Variants in CDON observed in about 807,000 individuals in gnomAD.
CDON encodes the protein cell adhesion molecule-related/down-regulated by oncogenes.
In CDON, 73 loss-of-function variants were observed where a neutral mutation model predicts 120.9. The ratio of observed to expected loss-of-function variants is 0.60; its 90% CI spans 0.50 to 0.73. CDON has a LOEUF of 0.73. CDON is among the 30% of genes least tolerant of loss of function. CDON has a pLI of 0.00. For synonymous variants in CDON, 566 were observed against 573.5 expected (o/e 0.99, Z 0.19); for missense variants, 1,470 against 1,587.3 (o/e 0.93, Z 1.26).
At chr11:125,988,301 G>T (rs1269139820) in intron 15 of CDON, among the ~76,000 whole-genome samples, 9 of 152,184 alleles carry the variant, frequency 5.9e-5, no homozygotes, top group Admixed American at 5.9e-4. Context: ...CAGAACTGTG[G>T]CGAGCTATCA....
At chr11:126,025,532 G>GGC (rs1565538312) in intron 1 of CDON, among the ~76,000 whole-genome samples, 3,592 of 104,516 alleles carry the variant, frequency 0.034, 141 homozygotes, top group African/African-American at 0.14. Context: ...TTTGTGGGGG[G>GGC]TGTGTGTGTG....
chr11:125,990,647 T>C (rs982635168), intron 14 of CDON, among the ~76,000 whole-genome samples: 1 of 152,102 alleles, frequency 6.6e-6, no homozygotes, highest in Non-Finnish European at 1.5e-5. Flanking sequence ...TAAGAATTAA[T>C]TAAAGGGGGA....
chr11:125,989,744 T>G lies in CDON; in HGVS notation c.2666A>C (p.His889Pro). 1 of 1,612,850 alleles carries G rather than the reference T, an allele frequency of 6.2e-7. No individual in the cohort carries two copies. The highest frequency in any genetic ancestry group is 8.5e-7 in the Non-Finnish European group (1 of 1,179,066). ...TTCTGGCTGCAGGTGGCCAATCATG[T>G]GCCACTGCTTTGAACCTAAAAGGAA... ...RDVVEGSKQW[H>P]MIGHLQPETS... Residue 889 changes from histidine (H) to proline (P), a missense_variant, in exon 15 of 20, where the codon CAC becomes CCC. By Grantham distance (77) the His-to-Pro change is moderately conservative. Coordinates refer to ENST00000531738, the MANE Select transcript of CDON (RefSeq NM_001378964.1).
At chr11:126,056,293 A>C (rs746045108) in intron 1 of CDON, among the ~76,000 whole-genome samples, 9 of 152,172 alleles carry the variant, frequency 5.9e-5, no homozygotes, top group Admixed American at 1.3e-4. Flanking sequence ...TCAAAAGATG[A>C]ATCATGTATC....
rs1463176392 is a variant in CDON at position 125,989,628 on chromosome 11, T to C, written c.2773+9A>G. On this transcript the variant is annotated intron_variant, in intron 15 of 19. Coordinates refer to ENST00000531738, the MANE Select transcript of CDON (RefSeq NM_001378964.1). ...ATCACTGTCCAGGGAAAAGCAAAAA[T>C]TCTCCTACCTTTAGTCTCGCAGATC... 5 of 1,611,780 alleles carry C rather than the reference T, an allele frequency of 3.1e-6. No homozygotes were observed. In the Admixed American group the frequency reaches 6.7e-5, roughly 22 times the overall value.
intron 7 of CDON, among the ~76,000 whole-genome samples, chr11:126,011,093 A>G (rs1407743600): frequency 1.3e-5 from 2 of 152,064 alleles, no homozygotes; most frequent in Non-Finnish European, 2.9e-5. Flanking sequence ...AAAATGGTCA[A>G]TTTTGTGGGG....
intron 10 of CDON, 99 bp from the exon 11 acceptor site, chr11:126,001,949 A>T (rs1251734610): frequency 1.2e-5 from 11 of 885,840 alleles, no homozygotes; most frequent in Non-Finnish European, 1.9e-5. Context: ...GTGGTTATAA[A>T]TTTATGAACT....
At chr11:126,007,629 T>C (rs1173478189) in intron 8 of CDON, among the ~76,000 whole-genome samples, 1 of 152,154 alleles carries the variant, frequency 6.6e-6, no homozygotes, top group Admixed American at 6.5e-5. Context: ...TAAAAGAGTT[T>C]AAATGCCACA....
At chr11:125,981,391 T>TACGCACACACGC in intron 16 of CDON, 62 bp from the exon 17 acceptor site, 1 of 1,535,166 alleles carries the variant, frequency 6.5e-7, no homozygotes, top group Non-Finnish European at 8.9e-7. Flanking sequence ...CACATGCACA[T>TACGCACACACGC]ACGCACACAC....
Position 125,994,999 on chromosome 11 carries a change from G to A in CDON, c.2416C>T (p.Arg806Trp), listed in dbSNP as rs141611214. 2.0e-5 allele frequency: 32 copies of A among 1,613,986 alleles called. No homozygotes were observed. Among genetic ancestry groups the A allele is most frequent in the Non-Finnish European group, 2.4e-5 (28 of 1,179,998 alleles). Residue 806 changes from arginine to tryptophan, a missense_variant, in exon 13 of 20, where the codon CGG (arginine) becomes TGG (tryptophan). Physicochemically the swap from Arg to Trp is moderately radical, Grantham distance 101 (BLOSUM62 -3). Coordinates refer to ENST00000531738, the MANE Select transcript of CDON (RefSeq NM_001378964.1). ...TGATAAGGACGAGATGCTGAACTCC[G>A]AAAACTCTCACCATAATGGTTGATG... ...IAINHYGESF[R>W]SSASRPYQVV...
chr11:125,980,263 G>A (rs972744394), intron 17 of CDON, among the ~76,000 whole-genome samples: 2 of 152,072 alleles, frequency 1.3e-5, no homozygotes, highest in African/African-American at 4.8e-5. Flanking sequence ...AAAATTAAAC[G>A]CTATCAACTA....
intron 3 of CDON, among the ~76,000 whole-genome samples, chr11:126,020,658 C>A (rs552191249): frequency 5.3e-5 from 8 of 152,210 alleles, no homozygotes; most frequent in Non-Finnish European, 1.2e-4. Context: ...AAGCCATCAC[C>A]GTTTGAAACG....
rs190283763 is a variant in CDON, at chr11:126,034,131, A to T, written c.-61-10594T>A. ...TCGTGCAATCATTCAGATCAACTTA[A>T]AAAAAAAAAAGTTCACACCTACAGA... On this transcript the variant is annotated intron_variant, in intron 1 of 19. Transcript: ENST00000531738. The surrounding 1 kb of genome is among the most constrained non-coding windows in gnomAD (Gnocchi z 4.5). Among the ~76,000 whole-genome samples the T allele has an allele frequency of 6.8e-6, 1 of 148,058 alleles. No homozygotes were observed. Among genetic ancestry groups the T allele is most frequent in the East Asian group, 2.0e-4 (1 of 5,100 alleles).
intron 2 of CDON, 124 bp downstream of exon 2, chr11:126,023,277 C>A (rs1947689516): frequency 1.2e-6 from 1 of 807,468 alleles, no homozygotes. Context: ...TGTAGTTGGT[C>A]AAACCAATCT....
rs1372152640 is a variant in CDON at position 125,959,744 on chromosome 11, G to T, written c.*1198C>A. The T allele has an allele frequency of 6.6e-6, 1 of 152,168 alleles. No individual in the cohort carries two copies. The highest frequency in any genetic ancestry group is 1.9e-4 in the East Asian group (1 of 5,192). 9.4% of individuals were successfully genotyped at this position (152,168 alleles called of 1,614,324 possible). On this transcript the variant is annotated 3_prime_UTR_variant, in exon 20 of 20. Coordinates refer to ENST00000531738, the MANE Select transcript of CDON (RefSeq NM_001378964.1). Reference sequence around the variant, plus strand: ...GTTTCGGCGTCATGGCACCATAAGCGTGTCCCTGTGCTAATCCAACAGACT... The same window carrying T: ...GTTTCGGCGTCATGGCACCATAAGCTTGTCCCTGTGCTAATCCAACAGACT...
chr11:126,012,821 C>G (rs1213844556), intron 7 of CDON, among the ~76,000 whole-genome samples: 1 of 152,174 alleles, frequency 6.6e-6, no homozygotes, highest in Non-Finnish European at 1.5e-5. Context: ...GGCCAGCAAA[C>G]TATTTGGGAT....
intron 2 of CDON, 53 bp from the exon 3 acceptor site, chr11:126,021,573 GAGAA>G: frequency 6.9e-7 from 1 of 1,440,484 alleles, no homozygotes; most frequent in East Asian, 2.3e-5. Context: ...AAAGAGGAGA[GAGAA>G]AGAAGATTAC....
At chr11:126,006,871 A>T (rs1565523008) in intron 8 of CDON, among the ~76,000 whole-genome samples, 1 of 152,256 alleles carries the variant, frequency 6.6e-6, no homozygotes, top group Non-Finnish European at 1.5e-5. Flanking sequence ...GTACTATCTT[A>T]TAAACATAAT....
intron 18 of CDON, among the ~76,000 whole-genome samples, chr11:125,971,337 C>T (rs545542857): frequency 4.0e-5 from 6 of 151,796 alleles, no homozygotes; most frequent in East Asian, 2.0e-4. Context: ...GAGCCGAGAT[C>T]GCACCACTGC....
Sources: allele counts gnomAD v4.1 joint callset (sites outside exome capture counted in the v4.1 genomes callset), GRCh38; gene constraint gnomAD v4.1.1; non-coding constraint Gnocchi (gnomAD v3.1); transcripts MANE v1.5; gene names NCBI Gene and HGNC (gene_info 2026-07-23, HGNC 2026-07-21).